The following NRG1 variants were observed in gnomAD, a reference collection of about 807,000 sequenced individuals.
NRG1 encodes neuregulin 1.
A neutral mutation model predicts 63.8 loss-of-function variants in NRG1; 18 were observed. The ratio of observed to expected loss-of-function variants is 0.28; its 90% CI spans 0.19 to 0.42. The LOEUF is 0.42. Among genes scored for constraint, NRG1 ranks in the 10% least tolerant of loss-of-function variants. The pLI is 1.00. For missense variants in NRG1, 762 were observed against 814.7 expected (o/e 0.94, Z 0.79); for synonymous variants, 302 against 301.3 (o/e 1.00, Z -0.02).
rs1378874565 is a variant in NRG1 at position 31,744,209 on chromosome 8, TG to T, written c.37+104779del. Among the ~76,000 whole-genome samples, 6 of 152,080 alleles carry T rather than the reference TG, an allele frequency of 3.9e-5. No individual in the cohort carries two copies. The East Asian group carries it at 9.7e-4, about 25-fold the overall frequency. ...TATAAAGAATGTGCAGCCAGCTGTT[TG>T]TCTACTTGTCCTGACCCTGTTCAAG... On this transcript the variant is annotated intron_variant, in intron 1 of 10. Coordinates refer to the NRG1 transcript ENST00000519301.
chr8:32,757,624 A>G (rs1244492224), intron 9 of NRG1, among the ~76,000 whole-genome samples: 2 of 152,220 alleles, frequency 1.3e-5, no homozygotes, highest in Non-Finnish European at 2.9e-5. Context: ...TGATAACGAT[A>G]TTCACTACAA....
chr8:32,172,135 C>T (rs527844806), intron 1 of NRG1, among the ~76,000 whole-genome samples: 3 of 152,310 alleles, frequency 2.0e-5, no homozygotes, highest in African/African-American at 2.4e-5. Context: ...CCAGGTACTC[C>T]TCTGAGACAA....
intron 5 of NRG1, among the ~76,000 whole-genome samples, chr8:32,663,939 T>C (rs1360869194): frequency 6.6e-6 from 1 of 152,226 alleles, no homozygotes; most frequent in African/African-American, 2.4e-5. Context: ...TCTGTGGTCA[T>C]CATTAAACTT....
At chr8:32,643,408 C>T (rs1326917188) in intron 5 of NRG1, among the ~76,000 whole-genome samples, 2 of 152,194 alleles carry the variant, frequency 1.3e-5, no homozygotes, top group African/African-American at 4.8e-5. Context: ...ACCTGGCCAC[C>T]ATGCTGTGGG....
chr8:32,699,250 C>G lies in NRG1; in HGVS notation c.503-28699C>G, dbSNP rs146170119. ...ATAAAAACTAACCATGCAACTTTAACTCTGCCTTTAATTAAGTAATCATTA... is the reference window on the plus strand; with the variant it reads ...ATAAAAACTAACCATGCAACTTTAAGTCTGCCTTTAATTAAGTAATCATTA... On this transcript the variant is annotated intron_variant, in intron 5 of 11. Transcript: ENST00000356819. Among the ~76,000 whole-genome samples, 45 of 152,326 alleles carry G rather than the reference C, an allele frequency of 3.0e-4. No individual in the cohort carries two copies. In the East Asian group the frequency reaches 8.3e-3, roughly 28 times the overall value.
chr8:32,322,512 A>T (rs949311571), intron 1 of NRG1, among the ~76,000 whole-genome samples: 2 of 152,098 alleles, frequency 1.3e-5, no homozygotes, highest in Admixed American at 1.3e-4. Flanking sequence ...CATTTCTGCC[A>T]CCCATTAATC....
intron 1 of NRG1, among the ~76,000 whole-genome samples, chr8:32,003,161 A>C (rs1563669089): frequency 6.6e-6 from 1 of 152,066 alleles, no homozygotes; most frequent in Admixed American, 6.6e-5. Context: ...TTTGTGATAT[A>C]GTTATATTCT....
intron 1 of NRG1, among the ~76,000 whole-genome samples, chr8:32,334,381 G>A (rs142659619): frequency 6.2e-4 from 94 of 152,256 alleles, no homozygotes; most frequent in Middle Eastern, 6.8e-3. Context: ...CCACTTCCAC[G>A]GGAAAGGAGG....
At chr8:32,753,026 A>G (rs1035397990) in intron 7 of NRG1, among the ~76,000 whole-genome samples, 4 of 152,172 alleles carry the variant, frequency 2.6e-5, no homozygotes, top group Admixed American at 2.6e-4. Flanking sequence ...CTCAAAAGAG[A>G]AAAAGGTGTA....
intron 1 of NRG1, among the ~76,000 whole-genome samples, chr8:31,739,917 G>A (rs1815091633): frequency 6.6e-6 from 1 of 152,016 alleles, no homozygotes; most frequent in Admixed American, 6.6e-5. Context: ...GAAAATTCCA[G>A]TTCAAAATAA....
At chr8:32,011,326 A>ATCCTT (rs1312288030) in intron 1 of NRG1, among the ~76,000 whole-genome samples, 1 of 152,088 alleles carries the variant, frequency 6.6e-6, no homozygotes, top group Non-Finnish European at 1.5e-5. Flanking sequence ...GTTTTAGAGC[A>ATCCTT]TCCTTCAAGA....
intron 7 of NRG1, among the ~76,000 whole-genome samples, chr8:32,747,407 A>G (rs998030740): frequency 1.3e-5 from 2 of 152,140 alleles, no homozygotes; most frequent in Non-Finnish European, 2.9e-5. Flanking sequence ...ACTTCCTTGG[A>G]AAATGAATGT....
At chr8:32,729,544 T>G (rs1284600081) in intron 6 of NRG1, among the ~76,000 whole-genome samples, 1 of 152,206 alleles carries the variant, frequency 6.6e-6, no homozygotes, top group Non-Finnish European at 1.5e-5. Context: ...TATTGGCGTG[T>G]GACTTAAATC....
intron 1 of NRG1, among the ~76,000 whole-genome samples, chr8:31,910,375 C>T (rs933206806): frequency 2.6e-5 from 4 of 152,136 alleles, no homozygotes; most frequent in African/African-American, 9.7e-5. Context: ...ATGTGTCCAG[C>T]GTCTGTTCTC....
intron 1 of NRG1, among the ~76,000 whole-genome samples, chr8:31,909,690 A>G (rs1410507991): frequency 6.6e-6 from 1 of 152,136 alleles, no homozygotes; most frequent in East Asian, 1.9e-4. Flanking sequence ...AACACTGAAA[A>G]CAGACCTGTG....
intron 8 of NRG1, 43 bp from the exon 9 acceptor site, chr8:32,756,360 A>G: frequency 6.3e-7 from 1 of 1,594,912 alleles, no homozygotes; most frequent in East Asian, 2.2e-5. Context: ...CTATGAAATG[A>G]AAATAATCAA....
chr8:32,077,105 G>A (rs562739416), intron 1 of NRG1, among the ~76,000 whole-genome samples: 47 of 152,226 alleles, frequency 3.1e-4, no homozygotes, highest in Admixed American at 2.4e-3. Flanking sequence ...GTTGGCTCAC[G>A]CCTGTAATCC....
chr8:31,774,399 G>A (rs1446382431), intron 1 of NRG1, among the ~76,000 whole-genome samples: 3 of 151,918 alleles, frequency 2.0e-5, no homozygotes, highest in Admixed American at 6.6e-5. Flanking sequence ...CTGCCTTCCT[G>A]TCTAGAGTGT....
chr8:32,321,598 T>C (rs182906940), intron 1 of NRG1, among the ~76,000 whole-genome samples: 115 of 151,474 alleles, frequency 7.6e-4, no homozygotes, highest in African/African-American at 2.6e-3. Flanking sequence ...GAGAGAAATA[T>C]TTAGTTGAAT....
Sources: allele counts gnomAD v4.1 joint callset (sites outside exome capture counted in the v4.1 genomes callset), GRCh38; gene constraint gnomAD v4.1.1; transcripts MANE v1.5; gene names NCBI Gene and HGNC (gene_info 2026-07-23, HGNC 2026-07-21).